MAP3K5: variants seen among roughly 807,000 people sequenced by gnomAD.
The protein encoded by MAP3K5 is mitogen-activated protein kinase kinase kinase 5, also known as ASK-1.
Under a neutral mutation model 158.7 loss-of-function variants are expected in MAP3K5, and 56 were observed. The ratio of observed to expected loss-of-function variants is 0.35; its 90% CI spans 0.28 to 0.44. MAP3K5 has a LOEUF of 0.44. Among genes scored for constraint, MAP3K5 ranks in the 20% least tolerant of loss-of-function variants. MAP3K5 has a pLI of 1.00. For missense variants in MAP3K5, 1,294 were observed against 1,674.8 expected, an observed-to-expected ratio of 0.77 and a Z score of 3.97; for synonymous variants, 579 against 601.7, an observed-to-expected ratio of 0.96 and a Z score of 0.55.
rs764744651 is a variant in MAP3K5, at chr6:136,613,388, C to T, written c.2279-132G>A. ...GTGGCCCAGGAGCTATACTGGATAT[C>T]GGGCTCAAACATGAATTTGCAAATA... is the stretch of plus-strand genomic sequence containing the variant. On this transcript the variant is annotated intron_variant, in intron 16 of 29. Transcript: ENST00000359015. The surrounding 1 kb of genome is among the most constrained non-coding windows in gnomAD (Gnocchi z 4.0). The T allele has an allele frequency of 2.8e-5, 18 of 646,220 alleles. No homozygotes were observed. Among genetic ancestry groups the T allele is most frequent in the East Asian group, 1.3e-4 (4 of 31,660 alleles). The allele number at this position is 646,220 out of a possible 1,614,324, so 40.0% of individuals were successfully genotyped here. A position where few individuals can be genotyped will look rare whatever the true frequency, so the allele number is the denominator to read the frequency against.
chr6:136,600,878 C>T, intron 21 of MAP3K5, 144 bp downstream of exon 21: 1 of 654,656 alleles, frequency 1.5e-6, no homozygotes. Flanking sequence ...CAGCTGCACA[C>T]ATCCTTATAG....
At chr6:136,572,893 G>A (rs1247136691) in intron 25 of MAP3K5, among the ~76,000 whole-genome samples, 1 of 152,160 alleles carries the variant, frequency 6.6e-6, no homozygotes, top group Admixed American at 6.5e-5. Context: ...ATACACAGAA[G>A]AGCGCTGAGA....
chr6:136,769,343 G>A (rs900020201), intron 1 of MAP3K5, among the ~76,000 whole-genome samples: 25 of 152,096 alleles, frequency 1.6e-4, no homozygotes, highest in African/African-American at 6.0e-4. Flanking sequence ...CCAAAGGCTG[G>A]GTGAAGGGAG....
At chr6:136,645,776 G>A (rs1235824692) in intron 11 of MAP3K5, among the ~76,000 whole-genome samples, 1 of 152,130 alleles carries the variant, frequency 6.6e-6, no homozygotes, top group Admixed American at 6.6e-5. Context: ...GAAAGTTGCA[G>A]TATAAAGTAT....
At chr6:136,773,600 A>G (rs1784294688) in intron 1 of MAP3K5, among the ~76,000 whole-genome samples, 1 of 151,936 alleles carries the variant, frequency 6.6e-6, no homozygotes, top group Non-Finnish European at 1.5e-5. Context: ...CTTTCTCACT[A>G]GATGATGCCT....
At position 136,557,807 on chromosome 6, in the gene MAP3K5, A is replaced by G; in HGVS notation, c.4076T>C (p.Leu1359Pro). The G allele has an allele frequency of 6.2e-7, 1 of 1,610,170 alleles. No individual in the cohort carries two copies. Among genetic ancestry groups the G allele is most frequent in the South Asian group, 1.1e-5 (1 of 91,004 alleles). ...LKCLRLRGGMLCTLWKAIIDF... is the reference protein window; with the variant it reads ...LKCLRLRGGMPCTLWKAIIDF... ...AATGATAGCCTTCCACAGTGTGCAC[A>G]GCATCCCTCCCCTGTTTAAAGACAC... Residue 1359 changes from leucine to proline, a missense_variant, in exon 30 of 30, where the codon CTG becomes CCG. Physicochemically the swap from Leu to Pro is moderately conservative, Grantham distance 98. Coordinates refer to ENST00000359015, the MANE Select transcript of MAP3K5 (RefSeq NM_005923.4).
intron 7 of MAP3K5, among the ~76,000 whole-genome samples, chr6:136,683,766 T>G (rs1162486214): frequency 6.6e-6 from 1 of 152,094 alleles, no homozygotes; most frequent in Non-Finnish European, 1.5e-5. Context: ...TCAACAAAAC[T>G]GAAATCTAGA....
chr6:136,712,914 T>G (rs1326047629), intron 2 of MAP3K5, among the ~76,000 whole-genome samples: 1 of 151,996 alleles, frequency 6.6e-6, no homozygotes, highest in Non-Finnish European at 1.5e-5. Flanking sequence ...GCCATGATTG[T>G]GAGGCCTCCC....
At chr6:136,728,895 G>A (rs182047950) in intron 1 of MAP3K5, among the ~76,000 whole-genome samples, 122 of 152,172 alleles carry the variant, frequency 8.0e-4, no homozygotes, top group African/African-American at 2.8e-3. Flanking sequence ...AAAGAGTTGA[G>A]AGCCACTACA....
chr6:136,677,903 C>T (rs1327284736), intron 7 of MAP3K5, among the ~76,000 whole-genome samples: 1 of 152,160 alleles, frequency 6.6e-6, no homozygotes, highest in Non-Finnish European at 1.5e-5. Flanking sequence ...AGGTACAAGG[C>T]ATTGAATGAG....
Position 136,655,878 on chromosome 6 carries a change from C to G in MAP3K5, c.1680+429G>C, listed in dbSNP as rs750370407. Among the ~76,000 whole-genome samples the G allele has an allele frequency of 1.4e-3, 209 of 152,252 alleles. 1 individual carries two copies. Among genetic ancestry groups the G allele is most frequent in the Non-Finnish European group, 1.2e-3 (82 of 68,014 alleles). ...GATATTACATCTAACTCTGACCCAC[C>G]TGGGTAATGGGTGGTGGGGATGGGA... is the stretch of plus-strand genomic sequence containing the variant. On this transcript the variant is annotated intron_variant, in intron 10 of 29. Coordinates refer to ENST00000359015, the MANE Select transcript of MAP3K5 (RefSeq NM_005923.4).
At chr6:136,642,657 T>C (rs969479028) in intron 11 of MAP3K5, 88 bp from the exon 12 acceptor site, 11 of 868,432 alleles carry the variant, frequency 1.3e-5, no homozygotes, top group African/African-American at 6.8e-5. Context: ...TTTAAAGTGA[T>C]ATACACAGCC....
intron 23 of MAP3K5, among the ~76,000 whole-genome samples, chr6:136,590,466 C>T (rs1046957201): frequency 6.6e-6 from 1 of 151,964 alleles, no homozygotes; most frequent in Non-Finnish European, 1.5e-5. Flanking sequence ...TTCCTTCTAA[C>T]CTTGATGAGA....
At chr6:136,610,604 A>T (rs979386406) in intron 18 of MAP3K5, among the ~76,000 whole-genome samples, 6 of 151,350 alleles carry the variant, frequency 4.0e-5, no homozygotes, top group African/African-American at 1.5e-4. Flanking sequence ...TAATAAAAAA[A>T]AAAAAAAAAA....
At chr6:136,763,641 G>A (rs1783845353) in intron 1 of MAP3K5, among the ~76,000 whole-genome samples, 1 of 152,108 alleles carries the variant, frequency 6.6e-6, no homozygotes, top group African/African-American at 2.4e-5. Context: ...TGTTCTCAAG[G>A]CCTCAGTTTC....
At chr6:136,643,516 T>C (rs1397606640) in intron 11 of MAP3K5, among the ~76,000 whole-genome samples, 5 of 152,172 alleles carry the variant, frequency 3.3e-5, no homozygotes, top group African/African-American at 1.2e-4. Flanking sequence ...GCTAATAAAA[T>C]GGGTGACAAA....
At chr6:136,567,406 G>C (rs1391621403) in intron 26 of MAP3K5, among the ~76,000 whole-genome samples, 3 of 152,220 alleles carry the variant, frequency 2.0e-5, no homozygotes, top group African/African-American at 7.2e-5. Context: ...GGCACCTGGA[G>C]ATGAAGAAGT....
chr6:136,707,541 G>A (rs1669289951), intron 2 of MAP3K5, among the ~76,000 whole-genome samples: 1 of 149,328 alleles, frequency 6.7e-6, no homozygotes, highest in African/African-American at 2.5e-5. Context: ...ATGGAAGAGT[G>A]AATTAAAGAG....
chr6:136,784,853 A>G (rs527877642), intron 1 of MAP3K5, among the ~76,000 whole-genome samples: 136 of 152,266 alleles, frequency 8.9e-4, no homozygotes, highest in African/African-American at 3.1e-3. Context: ...CCTTTTTAAG[A>G]AATCATGGCA....
Sources: gnomAD v4.1 joint callset for allele counts (sites outside exome capture counted in the v4.1 genomes callset) on GRCh38, gnomAD v4.1.1 for gene constraint, Gnocchi (gnomAD v3.1) non-coding constraint, MANE v1.5 for transcripts, NCBI Gene and HGNC (gene_info 2026-07-23, HGNC 2026-07-21) for gene names.